Variants in CELSR1 observed in about 807,000 individuals in gnomAD.
The protein encoded by CELSR1 is adhesion G protein-coupled receptor C1.
Under a neutral mutation model 249.1 loss-of-function variants are expected in CELSR1, and 110 were observed. That is an observed-to-expected ratio of 0.44 (90% CI 0.38 to 0.52). CELSR1 has a LOEUF of 0.52. CELSR1 is among the 20% of genes least tolerant of loss of function. The pLI is 0.00. For missense variants in CELSR1, 4,109 were observed against 4,296.4 expected (o/e 0.96, Z 1.22); for synonymous variants, 2,113 against 1,900.0 (o/e 1.11, Z -2.92).
chr22:46,533,393 C>T (rs926383479), intron 1 of CELSR1, among the ~76,000 whole-genome samples: 4 of 152,258 alleles, frequency 2.6e-5, no homozygotes, highest in South Asian at 2.1e-4. Context: ...TTGGGAGAAC[C>T]GCAGGCCTGC....
In CELSR1 at chr22:46,427,508, G is replaced by C. The variant is rs1312882163; in HGVS notation, c.4611+5885C>G. ...GCCAAGACAGCAACAAAGGCGCCTG[G>C]GCGACAGAGCGGGACTCCATCTCAA... On this transcript the variant is annotated intron_variant, in intron 5 of 34. Transcript: ENST00000674500. The surrounding 1 kb of genome is among the most constrained non-coding windows in gnomAD (Gnocchi z 4.2). 1.3e-5 allele frequency among the ~76,000 whole-genome samples: 2 copies of C among 152,166 alleles called. No homozygotes were observed. The highest frequency in any genetic ancestry group is 1.3e-4 in the Admixed American group (2 of 15,276).
chr22:46,386,389 G>C lies in CELSR1; in HGVS notation c.6739+13C>G, dbSNP rs370450930. On this transcript the variant is annotated intron_variant, in intron 19 of 34. Coordinates refer to ENST00000674500, the MANE Select transcript of CELSR1 (RefSeq NM_001378328.1). ...GTAGCAGGGTTCCACCCCCAACGCA[G>C]CCAGCGCCTTACTCATGTTGGCGGT... 2 of 1,540,848 alleles carry C rather than the reference G, an allele frequency of 1.3e-6. No homozygotes were observed. Among genetic ancestry groups the C allele is most frequent in the Non-Finnish European group, 1.8e-6 (2 of 1,141,490 alleles).
chr22:46,505,527 G>A (rs1231963323), intron 1 of CELSR1, among the ~76,000 whole-genome samples: 1 of 151,856 alleles, frequency 6.6e-6, no homozygotes, highest in Non-Finnish European at 1.5e-5. Flanking sequence ...AGGCTGAGGT[G>A]GGAGGACTGC....
rs1406165433 is a variant in CELSR1, at chr22:46,363,587, G to C, written c.9036-340C>G. 1 of 361,376 alleles carries C rather than the reference G, an allele frequency of 2.8e-6. No homozygotes were observed. Among genetic ancestry groups the C allele is most frequent in the Non-Finnish European group, 5.1e-6 (1 of 195,836 alleles). 22.4% of individuals were successfully genotyped at this position (361,376 alleles called of 1,614,324 possible). A position where few individuals can be genotyped will look rare whatever the true frequency, so the allele number is the denominator to read the frequency against. ...TGGAGGGAGGGAGGGGCGACAGGGA[G>C]AGGTCTGGGGCCAGGACCCCAGCTC... On this transcript the variant is annotated intron_variant, in intron 34 of 34. Coordinates refer to ENST00000674500, the MANE Select transcript of CELSR1 (RefSeq NM_001378328.1). The surrounding 1 kb of genome is among the most constrained non-coding windows in gnomAD (Gnocchi z 4.3).
chr22:46,530,548 C>G (rs751574372), intron 1 of CELSR1: 1 of 152,088 alleles, frequency 6.6e-6, no homozygotes, highest in African/African-American at 2.4e-5. Context: ...ATAAAAAGTT[C>G]CTATCACAGA....
chr22:46,409,063 C>T lies in CELSR1; in HGVS notation c.5159G>A (p.Arg1720Gln), dbSNP rs889046307. The T allele has an allele frequency of 6.8e-6, 11 of 1,613,376 alleles. No homozygotes were observed. The highest frequency in any genetic ancestry group is 1.7e-4 in the Middle Eastern group (1 of 6,050). ...CAGAACGCTGTCCTCCTTCCGGGTC[C>T]GGAACATGAGCCCCAGGTACCAGGG... ...SVPWYLGLMF[R>Q]TRKEDSVLME... Residue 1720 changes from arginine to glutamine, a missense_variant, in exon 9 of 35, where the codon CGG becomes CAG. Physicochemically the swap from Arg to Gln is conservative, Grantham distance 43. Transcript: ENST00000674500. This position sits in a 1 kb window ranked among gnomAD's most constrained non-coding sequence, Gnocchi z 9.8.
chr22:46,486,821 C>T (rs556639733), intron 1 of CELSR1, among the ~76,000 whole-genome samples: 11 of 152,184 alleles, frequency 7.2e-5, no homozygotes, highest in South Asian at 6.2e-4. Flanking sequence ...CCAGCCTGGG[C>T]GACAGAGCAA....
chr22:46,372,815 C>T (rs908820193), intron 25 of CELSR1, 68 bp downstream of exon 25: 81 of 1,516,988 alleles, frequency 5.3e-5, no homozygotes, highest in South Asian at 1.0e-4. Flanking sequence ...AGGAGGGCAG[C>T]GTTCCTGCAC....
intron 1 of CELSR1, among the ~76,000 whole-genome samples, chr22:46,474,881 G>A (rs1369176917): frequency 7.3e-6 from 1 of 137,498 alleles, no homozygotes; most frequent in Non-Finnish European, 1.5e-5. Context: ...ACTTGTTGGA[G>A]AGGCTGCCGG....
chr22:46,367,152 C>T, intron 28 of CELSR1, 34 bp from the exon 29 acceptor site: 1 of 1,601,420 alleles, frequency 6.2e-7, no homozygotes, highest in South Asian at 1.1e-5. Flanking sequence ...GCACCTGCTG[C>T]TGCCTCCCTA....
At chr22:46,461,943 G>A (rs2080033293) in intron 2 of CELSR1, among the ~76,000 whole-genome samples, 1 of 152,218 alleles carries the variant, frequency 6.6e-6, no homozygotes, top group Non-Finnish European at 1.5e-5. Context: ...GGCCGTGAGG[G>A]GCAAAGGGGA....
chr22:46,418,931 C>T (rs548753308), intron 5 of CELSR1, among the ~76,000 whole-genome samples: 4 of 152,330 alleles, frequency 2.6e-5, no homozygotes, highest in South Asian at 2.1e-4. Flanking sequence ...ACACAAGAAC[C>T]GTGGGTCCGG....
intron 30 of CELSR1, 21 bp from the exon 31 acceptor site, chr22:46,365,710 G>C: frequency 6.5e-7 from 1 of 1,544,544 alleles, no homozygotes; most frequent in Non-Finnish European, 8.8e-7. Context: ...CAGGGAGGGT[G>C]GGCTCAGTAT....
At chr22:46,476,015 T>C (rs1368339222) in intron 1 of CELSR1, among the ~76,000 whole-genome samples, 2 of 152,134 alleles carry the variant, frequency 1.3e-5, no homozygotes, top group Non-Finnish European at 2.9e-5. Flanking sequence ...AAAGAAGTTG[T>C]GGGCTGAGAC....
intron 1 of CELSR1, among the ~76,000 whole-genome samples, chr22:46,532,103 C>T (rs1010359559): frequency 4.6e-5 from 7 of 152,230 alleles, no homozygotes; most frequent in Admixed American, 2.0e-4. Context: ...GGGGGGCCCA[C>T]ATTACTGATA....
chr22:46,416,602 C>G (rs1026479457), intron 5 of CELSR1, among the ~76,000 whole-genome samples: 1 of 152,180 alleles, frequency 6.6e-6, no homozygotes, highest in African/African-American at 2.4e-5. Flanking sequence ...ACAGAGCCAG[C>G]AAGGAAAAGC....
rs1387931797 is a variant in CELSR1 at position 46,411,763 on chromosome 22, TAAG to T, written c.4612-7_4612-5del. ...GGCCCAGGTGGCCAATATTGGGCTG[TAAG>T]AAGAGAAAGCACAGAAGGTGTCAGC... On this transcript the variant is annotated splice_region_variant and splice_polypyrimidine_tract_variant and intron_variant, in intron 5 of 34. Transcript: ENST00000674500. This position sits in a 1 kb window ranked among gnomAD's most constrained non-coding sequence, Gnocchi z 4.2. The T allele has an allele frequency of 9.9e-6, 16 of 1,613,876 alleles. No homozygotes were observed. The highest frequency in any genetic ancestry group is 1.3e-5 in the African/African-American group (1 of 74,940).
intron 25 of CELSR1, chr22:46,370,313 A>G (rs1228263083): frequency 2.7e-6 from 1 of 365,234 alleles, no homozygotes; most frequent in Non-Finnish European, 5.5e-6. Flanking sequence ...CATGCCATAC[A>G]CATGTACATA....
chr22:46,453,098 A>G (rs375547457), intron 2 of CELSR1, among the ~76,000 whole-genome samples: 8 of 152,036 alleles, frequency 5.3e-5, no homozygotes, highest in African/African-American at 1.9e-4. Context: ...CCTCGGAGGG[A>G]GGCAGGTTGG....
Sources: gnomAD v4.1 joint callset for allele counts (sites outside exome capture counted in the v4.1 genomes callset) on GRCh38, gnomAD v4.1.1 for gene constraint, Gnocchi (gnomAD v3.1) non-coding constraint, MANE v1.5 for transcripts, NCBI Gene and HGNC (gene_info 2026-07-23, HGNC 2026-07-21) for gene names.